PIEZO2: variants seen among roughly 807,000 people sequenced by gnomAD.
PIEZO2 encodes the protein piezo-type mechanosensitive ion channel component 2.
Under a neutral mutation model 337.3 loss-of-function variants are expected in PIEZO2, and 172 were observed. The observed-to-expected ratio is 0.51, with a 90% CI of 0.45 to 0.58. The LOEUF is 0.58. Ranked by LOEUF, PIEZO2 falls within the 20% of genes least tolerant of loss-of-function variation. The probability of loss-of-function intolerance (pLI) is 0.00; values close to 1 mark genes in which losing one functional copy is unlikely to be tolerated. For missense variants in PIEZO2, 3,028 were observed against 3,391.3 expected (o/e 0.89, Z 2.66); for synonymous variants, 1,251 against 1,228.5 (o/e 1.02, Z -0.38).
chr18:11,108,648 G>A (rs1047213998), intron 1 of PIEZO2, among the ~76,000 whole-genome samples: 22 of 145,170 alleles, frequency 1.5e-4, no homozygotes, highest in African/African-American at 5.1e-4. Flanking sequence ...AAGAGTAACA[G>A]CTGACATTGA....
chr18:10,951,344 C>G (rs1356501485), intron 3 of PIEZO2, among the ~76,000 whole-genome samples: 1 of 152,184 alleles, frequency 6.6e-6, no homozygotes, highest in Non-Finnish European at 1.5e-5. Context: ...TCTTGTATCC[C>G]AAATGAAATC....
intron 31 of PIEZO2, among the ~76,000 whole-genome samples, chr18:10,743,542 G>C (rs2037307432): frequency 6.6e-6 from 1 of 152,170 alleles, no homozygotes. Context: ...AAAAACCTTA[G>C]ATGGGATATA....
chr18:11,034,643 T>C (rs1285815812), intron 2 of PIEZO2, among the ~76,000 whole-genome samples: 1 of 152,182 alleles, frequency 6.6e-6, no homozygotes, highest in Non-Finnish European at 1.5e-5. Flanking sequence ...CTCCTACCAC[T>C]ACCTATTAGT....
rs1305197959 is a variant in PIEZO2, at chr18:11,033,075, T to C, written c.160+33052A>G. Among the ~76,000 whole-genome samples, 1 of 152,212 alleles carries C rather than the reference T, an allele frequency of 6.6e-6. No homozygotes were observed. The highest frequency in any genetic ancestry group is 1.9e-4 in the East Asian group (1 of 5,202). The stretch of plus-strand genomic sequence containing the variant: ...CAGATAATCCTTTTCTGACTGGTCA[T>C]ATACGGACAAGAGGAGAGAAACAAT... On this transcript the variant is annotated intron_variant, in intron 2 of 55. Coordinates refer to ENST00000674853, the MANE Select transcript of PIEZO2 (RefSeq NM_001378183.1). The surrounding 1 kb of genome is among the most constrained non-coding windows in gnomAD (Gnocchi z 4.2).
intron 7 of PIEZO2, among the ~76,000 whole-genome samples, chr18:10,820,555 G>A (rs903798102): frequency 2.0e-5 from 3 of 151,904 alleles, no homozygotes; most frequent in Non-Finnish European, 2.9e-5. Context: ...TTCCATTCCT[G>A]TTTTCATTAT....
rs559965186 is a variant in PIEZO2 at position 10,766,646 on chromosome 18, C to G, written c.2946+3502G>C. On this transcript the variant is annotated intron_variant, in intron 21 of 55. Coordinates refer to ENST00000674853, the MANE Select transcript of PIEZO2 (RefSeq NM_001378183.1). The surrounding 1 kb of genome is among the most constrained non-coding windows in gnomAD (Gnocchi z 6.1). The stretch of plus-strand genomic sequence containing the variant: ...CCTGGCTTCCCTCTCCCAGAGAACC[C>G]CAGTTGCAACTATCACCTCCAGGCT... Among the ~76,000 whole-genome samples, 5 of 152,274 alleles carry G rather than the reference C, an allele frequency of 3.3e-5. No homozygotes were observed. The highest frequency in any genetic ancestry group is 2.6e-4 in the Admixed American group (4 of 15,298).
chr18:10,687,517 G>A, intron 49 of PIEZO2, among the ~76,000 whole-genome samples: 1 of 152,206 alleles, frequency 6.6e-6, no homozygotes, highest in East Asian at 1.9e-4. Flanking sequence ...GTTTATAGTA[G>A]GCTGCAAAAA....
At chr18:10,755,861 G>A (rs985348948) in intron 27 of PIEZO2, among the ~76,000 whole-genome samples, 12 of 151,896 alleles carry the variant, frequency 7.9e-5, no homozygotes, top group Admixed American at 5.9e-4. Flanking sequence ...TGAGGAAGAC[G>A]AATGGAGGAT....
At chr18:11,086,078 A>C (rs2038900010) in intron 1 of PIEZO2, among the ~76,000 whole-genome samples, 2 of 152,242 alleles carry the variant, frequency 1.3e-5, no homozygotes, top group Admixed American at 1.3e-4. Context: ...ACAAAAAATT[A>C]TATTTATAAT....
chr18:10,931,175 T>C (rs1326870890), intron 3 of PIEZO2, among the ~76,000 whole-genome samples: 1 of 152,006 alleles, frequency 6.6e-6, no homozygotes, highest in African/African-American at 2.4e-5. Context: ...AATATATATC[T>C]ACTTATAATT....
intron 3 of PIEZO2, among the ~76,000 whole-genome samples, chr18:10,938,129 G>C (rs974177988): frequency 5.3e-5 from 8 of 152,174 alleles, no homozygotes; most frequent in African/African-American, 1.9e-4. Context: ...TGGGAAGTAA[G>C]GCATTGTGGC....
At position 11,125,209 on chromosome 18, in the gene PIEZO2, C is replaced by A. The variant is rs2040150673; in HGVS notation, c.64+23316G>T. Reference sequence around the variant, plus strand: ...TACACACACCGTCTATCCTGCCAGGCAGGATGGGGATACTGCAATAAGCAA... The same window carrying A: ...TACACACACCGTCTATCCTGCCAGGAAGGATGGGGATACTGCAATAAGCAA... On this transcript the variant is annotated intron_variant, in intron 1 of 55. Transcript: ENST00000674853. The surrounding 1 kb of genome is among the most constrained non-coding windows in gnomAD (Gnocchi z 4.4). 6.6e-6 allele frequency among the ~76,000 whole-genome samples: 1 copy of A among 152,088 alleles called. No homozygotes were observed. Among genetic ancestry groups the A allele is most frequent in the South Asian group, 2.1e-4 (1 of 4,822 alleles).
At chr18:10,849,996 T>C (rs1055964988) in intron 7 of PIEZO2, among the ~76,000 whole-genome samples, 2 of 152,228 alleles carry the variant, frequency 1.3e-5, no homozygotes, top group African/African-American at 4.8e-5. Flanking sequence ...ATTGTTATAA[T>C]AGACTACAGC....
chr18:10,951,057 G>A (rs377915), intron 3 of PIEZO2, among the ~76,000 whole-genome samples: 64,315 of 151,950 alleles, frequency 0.42, 14,449 homozygotes, highest in Non-Finnish European at 0.51. Flanking sequence ...CTCCAAAAAT[G>A]TAATTCTCTG....
intron 49 of PIEZO2, among the ~76,000 whole-genome samples, chr18:10,688,293 G>A (rs1290862709): frequency 6.6e-6 from 1 of 152,296 alleles, no homozygotes; most frequent in African/African-American, 2.4e-5. Context: ...TGCTGAGAAT[G>A]ATGGCTTCCA....
intron 33 of PIEZO2, 66 bp from the exon 34 acceptor site, chr18:10,736,776 G>A: frequency 6.8e-7 from 1 of 1,477,746 alleles, no homozygotes; most frequent in South Asian, 1.3e-5. Flanking sequence ...GCTTATTAAT[G>A]AAATGTCCCC....
chr18:11,014,480 G>T (rs1248514174), intron 2 of PIEZO2, among the ~76,000 whole-genome samples: 1 of 143,260 alleles, frequency 7.0e-6, no homozygotes, highest in Admixed American at 6.9e-5. Flanking sequence ...GTGGGACAGC[G>T]ATCCAGGGCC....
At chr18:10,983,430 A>G (rs1445712981) in intron 2 of PIEZO2, among the ~76,000 whole-genome samples, 1 of 152,184 alleles carries the variant, frequency 6.6e-6, no homozygotes, top group African/African-American at 2.4e-5. Context: ...ATTGGCCTGC[A>G]ATTTCTACTA....
rs1231796422 is a variant in PIEZO2, at chr18:11,078,843, G to A, written c.65-12621C>T. ...TGGCCTTACATTTCATCGAATCACAGAGTCTGTGTTACTGAGAATGGAGAG... is the reference window on the plus strand; with the variant it reads ...TGGCCTTACATTTCATCGAATCACAAAGTCTGTGTTACTGAGAATGGAGAG... On this transcript the variant is annotated intron_variant, in intron 1 of 55. Coordinates refer to ENST00000674853, the MANE Select transcript of PIEZO2 (RefSeq NM_001378183.1). The surrounding 1 kb of genome is among the most constrained non-coding windows in gnomAD (Gnocchi z 5.3). 6.6e-6 allele frequency among the ~76,000 whole-genome samples: 1 copy of A among 152,176 alleles called. No individual in the cohort carries two copies. Among genetic ancestry groups the A allele is most frequent in the Non-Finnish European group, 1.5e-5 (1 of 68,038 alleles).
Sources: gnomAD v4.1 joint callset for allele counts (sites outside exome capture counted in the v4.1 genomes callset) on GRCh38, gnomAD v4.1.1 for gene constraint, Gnocchi (gnomAD v3.1) non-coding constraint, MANE v1.5 for transcripts, NCBI Gene and HGNC (gene_info 2026-07-23, HGNC 2026-07-21) for gene names.